CAMK4: variants seen among roughly 807,000 people sequenced by gnomAD.
CAMK4 encodes calcium/calmodulin dependent protein kinase IV.
A neutral mutation model predicts 44.9 loss-of-function variants in CAMK4; 22 were observed. That is an observed-to-expected ratio of 0.49 (90% CI 0.35 to 0.70). The LOEUF (loss-of-function observed/expected upper bound fraction) is 0.70, where lower values mean the gene tolerates loss of function less well. Among genes scored for constraint, CAMK4 ranks in the 30% least tolerant of loss-of-function variants. CAMK4 has a pLI of 0.01. For missense variants in CAMK4, 498 were observed against 586.8 expected (o/e 0.85, Z 1.56); for synonymous variants, 218 against 215.4 (o/e 1.01, Z -0.11).
intron 5 of CAMK4, among the ~76,000 whole-genome samples, chr5:111,403,162 A>G (rs1009667738): frequency 2.6e-5 from 4 of 152,202 alleles, no homozygotes; most frequent in Non-Finnish European, 4.4e-5. Context: ...TATCAAACAT[A>G]CACCCACATA....
chr5:111,277,730 A>G (rs1264458866), intron 1 of CAMK4: 1 of 152,080 alleles, frequency 6.6e-6, no homozygotes, highest in East Asian at 1.9e-4. Flanking sequence ...TGTGTATCTC[A>G]GTGGCTTCTA....
intron 1 of CAMK4, among the ~76,000 whole-genome samples, chr5:111,266,438 A>T (rs1561372917): frequency 6.6e-6 from 1 of 152,174 alleles, no homozygotes; most frequent in African/African-American, 2.4e-5. Context: ...ATTTAAAAGC[A>T]TTTTTAAGAT....
chr5:111,477,253 G>A (rs998395437), intron 8 of CAMK4, among the ~76,000 whole-genome samples: 2 of 152,190 alleles, frequency 1.3e-5, no homozygotes, highest in African/African-American at 4.8e-5. Context: ...TTTCTCACTG[G>A]CTCCAGAATA....
At chr5:111,243,825 T>G (rs1180487489) in intron 1 of CAMK4, among the ~76,000 whole-genome samples, 2 of 152,244 alleles carry the variant, frequency 1.3e-5, no homozygotes, top group African/African-American at 4.8e-5. Flanking sequence ...ATATTGTGAC[T>G]GTATCTTGTG....
chr5:111,322,790 T>A (rs961979937), intron 1 of CAMK4, among the ~76,000 whole-genome samples: 11 of 152,094 alleles, frequency 7.2e-5, no homozygotes, highest in African/African-American at 2.7e-4. Context: ...ACATAGAGAA[T>A]GTTTCAGCAC....
intron 1 of CAMK4, among the ~76,000 whole-genome samples, chr5:111,335,598 CTG>C (rs1474699507): frequency 1.3e-5 from 2 of 151,288 alleles, no homozygotes; most frequent in African/African-American, 4.8e-5. Flanking sequence ...TTAAGGCCAA[CTG>C]ACAGATGAAG....
At chr5:111,384,877 C>A (rs1479240294) in intron 4 of CAMK4, among the ~76,000 whole-genome samples, 1 of 152,120 alleles carries the variant, frequency 6.6e-6, no homozygotes, top group Non-Finnish European at 1.5e-5. Flanking sequence ...AAAGTCAATA[C>A]TTTTAAACAT....
chr5:111,370,623 T>C (rs1750967474), intron 2 of CAMK4, among the ~76,000 whole-genome samples: 1 of 152,154 alleles, frequency 6.6e-6, no homozygotes, highest in Admixed American at 6.6e-5. Flanking sequence ...TATTTGATAT[T>C]AGCAAGGAAA....
intron 5 of CAMK4, among the ~76,000 whole-genome samples, chr5:111,406,323 A>G (rs1752428003): frequency 6.6e-6 from 1 of 151,776 alleles, no homozygotes; most frequent in Non-Finnish European, 1.5e-5. Flanking sequence ...CCCTGGGTTC[A>G]AGCAATTCTC....
At chr5:111,363,044 G>A (rs1039788146) in intron 2 of CAMK4, among the ~76,000 whole-genome samples, 1 of 152,190 alleles carries the variant, frequency 6.6e-6, no homozygotes, top group South Asian at 2.1e-4. Context: ...ATTTCTATCT[G>A]GCAGCTATAA....
intron 5 of CAMK4, among the ~76,000 whole-genome samples, chr5:111,424,190 A>G (rs1037945172): frequency 9.9e-5 from 15 of 152,240 alleles, no homozygotes; most frequent in Non-Finnish European, 2.1e-4. Flanking sequence ...GACTGAAATT[A>G]GACAAGTGAG....
At chr5:111,298,087 A>G (rs1357587751) in intron 1 of CAMK4, among the ~76,000 whole-genome samples, 10 of 152,144 alleles carry the variant, frequency 6.6e-5, no homozygotes, top group Non-Finnish European at 5.9e-5. Flanking sequence ...ATATTGCTCA[A>G]TTTTATTCTA....
chr5:111,491,818 A>G lies in CAMK4; in HGVS notation c.*7352A>G, dbSNP rs1486835164. 6.6e-6 allele frequency: 1 copy of G among 152,180 alleles called. No homozygotes were observed. The highest frequency in any genetic ancestry group is 2.4e-5 in the African/African-American group (1 of 41,440). 9.4% of individuals were successfully genotyped at this position (152,180 alleles called of 1,614,324 possible). A position where few individuals can be genotyped will look rare whatever the true frequency, so the allele number is the denominator to read the frequency against. ...TCCCTATGGTTCTGAATCTCTCATA[A>G]TATTCTGAAGTAATTTATATCAATT... On this transcript the variant is annotated 3_prime_UTR_variant, in exon 11 of 11. Transcript: ENST00000282356.
chr5:111,432,705 T>C (rs1753502274), intron 5 of CAMK4, among the ~76,000 whole-genome samples: 1 of 149,670 alleles, frequency 6.7e-6, no homozygotes. Context: ...TAAGAAACAT[T>C]TATTAAGCAC....
At chr5:111,443,819 TA>T (rs1344018165) in intron 5 of CAMK4, among the ~76,000 whole-genome samples, 3 of 152,284 alleles carry the variant, frequency 2.0e-5, no homozygotes, top group Non-Finnish European at 4.4e-5. Context: ...TGGGTAAGAT[TA>T]GGGGGAAAAA....
At chr5:111,227,532 T>C (rs1748254981) in intron 1 of CAMK4, among the ~76,000 whole-genome samples, 1 of 152,192 alleles carries the variant, frequency 6.6e-6, no homozygotes. Context: ...GACTCCTGAT[T>C]GCAAGAAGAT....
chr5:111,465,448 T>C (rs1754792875), intron 7 of CAMK4, among the ~76,000 whole-genome samples: 1 of 151,942 alleles, frequency 6.6e-6, no homozygotes, highest in South Asian at 2.1e-4. Flanking sequence ...TTAAAAAAGA[T>C]AACCATTAGC....
At chr5:111,313,378 T>C (rs186800079) in intron 1 of CAMK4, among the ~76,000 whole-genome samples, 24 of 152,292 alleles carry the variant, frequency 1.6e-4, no homozygotes, top group African/African-American at 5.8e-4. Flanking sequence ...AACGGTCTGT[T>C]AGAAACTCTT....
chr5:111,343,911 A>G, intron 1 of CAMK4, 113 bp from the exon 2 acceptor site: 1 of 643,770 alleles, frequency 1.6e-6, no homozygotes, highest in South Asian at 2.0e-5. Context: ...TAGAACTTAT[A>G]ATAAGCACTT....
Sources: gnomAD v4.1 joint callset for allele counts (sites outside exome capture counted in the v4.1 genomes callset) on GRCh38, gnomAD v4.1.1 for gene constraint, MANE v1.5 for transcripts, NCBI Gene and HGNC (gene_info 2026-07-23, HGNC 2026-07-21) for gene names.